The following PCDHGA3 variants were observed in gnomAD, a reference collection of about 807,000 sequenced individuals.
PCDHGA3 encodes the protein protocadherin gamma-A3.
Under a neutral mutation model 58.5 loss-of-function variants are expected in PCDHGA3, and 40 were observed. The observed-to-expected ratio is 0.68, with a 90% confidence interval of 0.53 to 0.89. The LOEUF (loss-of-function observed/expected upper bound fraction) is 0.89, where lower values mean the gene tolerates loss of function less well. Ranked by LOEUF, PCDHGA3 falls within the 40% of genes least tolerant of loss-of-function variation. The pLI is 0.00. For synonymous variants in PCDHGA3, 530 were observed against 525.7 expected, an observed-to-expected ratio of 1.01 and a Z score of -0.11; for missense variants, 1,223 against 1,195.9, an observed-to-expected ratio of 1.02 and a Z score of -0.33.
intron 1 of PCDHGA3, chr5:141,350,645 C>T (rs1758527219): frequency 1.9e-6 from 3 of 1,613,990 alleles, no homozygotes; most frequent in East Asian, 2.2e-5. Context: ...CAATGCACCA[C>T]GTTTCGTTGC....
intron 1 of PCDHGA3, among the ~76,000 whole-genome samples, chr5:141,472,192 C>A (rs2099274015): frequency 1.3e-5 from 2 of 152,134 alleles, no homozygotes; most frequent in South Asian, 2.1e-4. Context: ...GAATTTGAAT[C>A]TTTTTGACAC....
chr5:141,408,617 C>T (rs2095139011), intron 1 of PCDHGA3: 2 of 1,614,004 alleles, frequency 1.2e-6, no homozygotes, highest in African/African-American at 2.7e-5. Flanking sequence ...AAAGGAAATA[C>T]ATTTAGAAAT....
Position 141,404,163 on chromosome 5 carries a change from T to C in PCDHGA3, c.2424+57706T>C, listed in dbSNP as rs372897104. The C allele has an allele frequency of 4.6e-5, 74 of 1,613,126 alleles. No homozygotes were observed. The South Asian group carries it at 7.9e-4, about 17-fold the overall frequency. ...AATTCAGAAGAAGATTATTACAGATTGTTGACGGCCCAAATTCTTGACCGA... is the reference window on the plus strand; with the variant it reads ...AATTCAGAAGAAGATTATTACAGATCGTTGACGGCCCAAATTCTTGACCGA... On this transcript the variant is annotated intron_variant, in intron 1 of 3. Transcript: ENST00000253812.
chr5:141,355,781 T>C, intron 1 of PCDHGA3: 2 of 1,613,802 alleles, frequency 1.2e-6, no homozygotes, highest in Non-Finnish European at 1.7e-6. Context: ...TACCCAGAGC[T>C]GGTGCTGGAA....
rs966009387 is a variant in PCDHGA3, at chr5:141,511,564, G to A, written c.*391G>A. The A allele has an allele frequency of 3.0e-5, 9 of 295,900 alleles. No individual in the cohort carries two copies. The highest frequency in any genetic ancestry group is 4.6e-5 in the Non-Finnish European group (7 of 151,798). The allele number at this position is 295,900 out of a possible 1,614,324, so 18.3% of individuals were successfully genotyped here. A position where few individuals can be genotyped will look rare whatever the true frequency, so the allele number is the denominator to read the frequency against. ...CCCACTCCAACAGTTCCTCTTTCCC[G>A]AGTAAGGTGGTTGGGGTGTTGAAGT... On this transcript the variant is annotated 3_prime_UTR_variant, in exon 4 of 4. Transcript: ENST00000253812.
At chr5:141,408,953 CTT>C in intron 1 of PCDHGA3, 1 of 1,613,552 alleles carries the variant, frequency 6.2e-7, no homozygotes, top group Non-Finnish European at 8.5e-7. Context: ...TAGAATTAGT[CTT>C]AGTGAAAATC....
At chr5:141,399,115 GA>G in intron 1 of PCDHGA3, 3 of 1,613,814 alleles carry the variant, frequency 1.9e-6, no homozygotes, top group Non-Finnish European at 2.5e-6. Context: ...ATGTACAGTT[GA>G]AATTAATATT....
At chr5:141,506,955 C>G (rs1387377785) in intron 3 of PCDHGA3, 1 of 152,244 alleles carries the variant, frequency 6.6e-6, no homozygotes, top group Non-Finnish European at 1.5e-5. Context: ...AATGAATCCT[C>G]TCAATAGCTC....
intron 1 of PCDHGA3, chr5:141,422,368 G>A: frequency 1.9e-6 from 3 of 1,565,294 alleles, no homozygotes; most frequent in Non-Finnish European, 2.6e-6. Context: ...TGGAGAAAAT[G>A]GTCAAGTCTC....
At chr5:141,374,469 A>G in intron 1 of PCDHGA3, 1 of 1,612,698 alleles carries the variant, frequency 6.2e-7, no homozygotes, top group Non-Finnish European at 8.5e-7. Flanking sequence ...ATTAATGACA[A>G]TACACCCCGA....
intron 1 of PCDHGA3, chr5:141,388,621 T>C (rs2091422595): frequency 6.2e-7 from 1 of 1,613,806 alleles, no homozygotes; most frequent in African/African-American, 1.3e-5. Context: ...AGTCAAGACG[T>C]ATACAGGGTG....
At chr5:141,404,508 C>T (rs2154535422) in intron 1 of PCDHGA3, 2 of 1,613,964 alleles carry the variant, frequency 1.2e-6, no homozygotes, top group Non-Finnish European at 1.7e-6. Flanking sequence ...GCTCTGTGCT[C>T]CTTTGACTAT....
chr5:141,382,186 T>G (rs896758285), intron 1 of PCDHGA3, among the ~76,000 whole-genome samples: 14 of 152,310 alleles, frequency 9.2e-5, no homozygotes, highest in Admixed American at 5.9e-4. Context: ...TAAGGTTCTA[T>G]ACAATCAAAA....
intron 2 of PCDHGA3, among the ~76,000 whole-genome samples, chr5:141,499,885 G>A (rs945162089): frequency 2.6e-5 from 4 of 151,850 alleles, no homozygotes; most frequent in Non-Finnish European, 4.4e-5. Flanking sequence ...ACAGGGTTTC[G>A]CCATGTTGGC....
chr5:141,480,145 C>A (rs1331658762), intron 1 of PCDHGA3, among the ~76,000 whole-genome samples: 1 of 151,968 alleles, frequency 6.6e-6, no homozygotes, highest in Non-Finnish European at 1.5e-5. Context: ...CAATTATTAG[C>A]CAGCTCCTAG....
rs188283892 is a variant in PCDHGA3, at chr5:141,394,450, T to C, written c.2424+47993T>C. ...GGGGACCCGCCCCTCAGCAGCAACA[T>C]GTCACTGAGCCTGTTCGTGCTGGAC... On this transcript the variant is annotated intron_variant, in intron 1 of 3. Coordinates refer to ENST00000253812, the MANE Select transcript of PCDHGA3 (RefSeq NM_018916.4). 12 of 1,614,228 alleles carry C rather than the reference T, an allele frequency of 7.4e-6. No individual in the cohort carries two copies. In the South Asian group the frequency reaches 1.3e-4, roughly 18 times the overall value.
intron 1 of PCDHGA3, chr5:141,384,389 AG>A: frequency 1.2e-6 from 2 of 1,613,942 alleles, no homozygotes; most frequent in South Asian, 1.1e-5. Context: ...GACACCATCC[AG>A]GGGGCTCCAG....
At chr5:141,348,551 T>C (rs1372189224) in intron 1 of PCDHGA3, among the ~76,000 whole-genome samples, 1 of 152,218 alleles carries the variant, frequency 6.6e-6, no homozygotes, top group African/African-American at 2.4e-5. Flanking sequence ...CTAAGAATTC[T>C]ATATGAAACA....
intron 1 of PCDHGA3, chr5:141,398,503 A>G (rs2093664041): frequency 1.9e-6 from 3 of 1,601,316 alleles, no homozygotes; most frequent in Non-Finnish European, 1.7e-6. Flanking sequence ...GATCGAGGAC[A>G]TTAATGACCA....
Sources: allele counts gnomAD v4.1 joint callset (sites outside exome capture counted in the v4.1 genomes callset), GRCh38; gene constraint gnomAD v4.1.1; transcripts MANE v1.5; gene names NCBI Gene and HGNC (gene_info 2026-07-23, HGNC 2026-07-21).